Variants in NTN4 observed in about 807,000 individuals in gnomAD.
NTN4 encodes netrin 4.
NTN4 carries 32 observed loss-of-function variants against 73.6 expected under a neutral mutation model. The observed-to-expected ratio is 0.44, with a 90% CI of 0.33 to 0.58. NTN4 has a LOEUF of 0.58. NTN4 is among the 20% of genes least tolerant of loss of function. NTN4 has a pLI of 0.04. For synonymous variants in NTN4, 258 were observed against 287.5 expected, an observed-to-expected ratio of 0.90 and a Z score of 1.04; for missense variants, 654 against 798.3, an observed-to-expected ratio of 0.82 and a Z score of 2.18.
chr12:95,770,924 T>C lies in NTN4; in HGVS notation c.585+16015A>G, dbSNP rs116840843. 7.4e-3 allele frequency among the ~76,000 whole-genome samples: 1,123 copies of C among 151,768 alleles called. 5 individuals carry two copies. Among genetic ancestry groups the C allele is most frequent in the Non-Finnish European group, 0.012 (821 of 67,986 alleles). On this transcript the variant is annotated intron_variant, in intron 2 of 9. Coordinates refer to ENST00000343702, the MANE Select transcript of NTN4 (RefSeq NM_021229.4). Reference sequence around the variant, plus strand: ...GGAAGAAGAGAAGAGAAATATGACATAGAAAGAAGGGTGTTGTTCTGTTTT... The same window carrying C: ...GGAAGAAGAGAAGAGAAATATGACACAGAAAGAAGGGTGTTGTTCTGTTTT...
chr12:95,774,938 A>T (rs1015717235), intron 2 of NTN4, among the ~76,000 whole-genome samples: 1 of 152,224 alleles, frequency 6.6e-6, no homozygotes, highest in Non-Finnish European at 1.5e-5. Context: ...AGGCATTTCA[A>T]CTTAGTATAG....
intron 2 of NTN4, among the ~76,000 whole-genome samples, chr12:95,743,740 G>A (rs11830036): frequency 0.079 from 12,039 of 152,112 alleles, 1,579 homozygotes; most frequent in African/African-American, 0.27. Flanking sequence ...ATCAATACTT[G>A]TTTTATGACT....
chr12:95,726,059 T>C (rs1047048591), intron 3 of NTN4, among the ~76,000 whole-genome samples: 1 of 152,148 alleles, frequency 6.6e-6, no homozygotes, highest in Non-Finnish European at 1.5e-5. Context: ...TGTTTGTTTT[T>C]CTGTTTTTGT....
intron 2 of NTN4, among the ~76,000 whole-genome samples, chr12:95,746,008 G>A (rs975929834): frequency 6.6e-6 from 1 of 152,128 alleles, no homozygotes; most frequent in African/African-American, 2.4e-5. Context: ...GCCCAACCTT[G>A]TTTTTACTAA....
At position 95,700,080 on chromosome 12, in the gene NTN4, ATTTTTTTTTTTTT is replaced by A. The variant is rs56063223; in HGVS notation, c.1180+10348_1180+10360del. Reference sequence around the variant, plus strand: ...AACAGTGTATTCTTCTAAAGTGAGGATTTTTTTTTTTTTTTTTTTTTTTTTTTTTTTTTTTACT... The same window carrying A: ...AACAGTGTATTCTTCTAAAGTGAGGATTTTTTTTTTTTTTTTTTTTTTACT... On this transcript the variant is annotated intron_variant, in intron 5 of 9. Transcript: ENST00000343702. 1.2e-3 allele frequency among the ~76,000 whole-genome samples: 51 copies of A among 41,828 alleles called. No individual in the cohort carries two copies. The East Asian group carries it at 0.013, about 10-fold the overall frequency. The allele number at this position is 41,828 out of a possible 152,430, so 27.4% of individuals were successfully genotyped here. A position where few individuals can be genotyped will look rare whatever the true frequency, so the allele number is the denominator to read the frequency against.
chr12:95,767,196 C>G (rs1170391763), intron 2 of NTN4, among the ~76,000 whole-genome samples: 2 of 152,050 alleles, frequency 1.3e-5, no homozygotes, highest in Non-Finnish European at 2.9e-5. Flanking sequence ...CAACCACTCT[C>G]AGGATTGGCT....
chr12:95,750,580 A>C (rs143718174), intron 2 of NTN4, among the ~76,000 whole-genome samples: 31,067 of 152,178 alleles, frequency 0.2, 3,825 homozygotes, highest in Non-Finnish European at 0.28. Context: ...AAATGGTCTG[A>C]GGTGCCTGAC....
Position 95,738,025 on chromosome 12 carries a change from G to A in NTN4, c.705C>T (p.Pro235=), listed in dbSNP as rs893384922. 1.2e-6 allele frequency: 2 copies of A among 1,614,138 alleles called. No individual in the cohort carries two copies. Among genetic ancestry groups the A allele is most frequent in the Non-Finnish European group, 1.7e-6 (2 of 1,180,010 alleles). The change falls in exon 3 of 10, where the codon CCC becomes CCT. Residue 235 remains proline, a synonymous_variant. Coordinates refer to ENST00000343702, the MANE Select transcript of NTN4 (RefSeq NM_021229.4). ...CTTCGTTCAGGTCATTTCTCTGACAGGGACAAGACTGTCGTTTCAGCAGCT... is the reference window on the plus strand; with the variant it reads ...CTTCGTTCAGGTCATTTCTCTGACAAGGACAAGACTGTCGTTTCAGCAGCT... ...RVQLLKRQSC[P]CQRNDLNEEP... is the part of the protein sequence containing the mutation.
chr12:95,777,644 AG>A (rs2079103592), intron 2 of NTN4, among the ~76,000 whole-genome samples: 1 of 152,336 alleles, frequency 6.6e-6, no homozygotes, highest in South Asian at 2.1e-4. Context: ...CACCCAATAC[AG>A]GAGCACCCAG....
At chr12:95,749,788 C>T (rs912662020) in intron 2 of NTN4, among the ~76,000 whole-genome samples, 2 of 149,016 alleles carry the variant, frequency 1.3e-5, no homozygotes, top group African/African-American at 5.0e-5. Context: ...TGTCTCTACC[C>T]CTTCTCTGCT....
Position 95,787,212 on chromosome 12 carries a change from T to C in NTN4, c.312A>G (p.Thr104=). 2.5e-6 allele frequency: 4 copies of C among 1,614,174 alleles called. No individual in the cohort carries two copies. In the South Asian group the frequency reaches 4.4e-5, roughly 18 times the overall value. The part of the protein sequence containing the change: ...MADSSFRFPR[T]WWQSAEDVHR... ...GCACATCCTCCGCAGACTGCCACCA[T>C]GTGCGAGGAAACCGGAAGGATGAGT... The change falls in exon 2 of 10, where the codon ACA becomes ACG. Residue 104 remains threonine, a synonymous_variant. Coordinates refer to ENST00000343702, the MANE Select transcript of NTN4 (RefSeq NM_021229.4).
At chr12:95,676,629 AAAGT>A (rs1299980353) in intron 7 of NTN4, among the ~76,000 whole-genome samples, 6 of 152,168 alleles carry the variant, frequency 3.9e-5, no homozygotes, top group African/African-American at 1.4e-4. Flanking sequence ...AGAAAGACTA[AAAGT>A]AAGTGAGTTA....
At chr12:95,748,033 C>A (rs138794052) in intron 2 of NTN4, among the ~76,000 whole-genome samples, 7,352 of 151,690 alleles carry the variant, frequency 0.048, 238 homozygotes, top group Non-Finnish European at 0.075. Flanking sequence ...AATTCAAGAC[C>A]AGCCTGGCCA....
intron 4 of NTN4, 28 bp from the exon 5 acceptor site, chr12:95,710,657 A>C (rs191143584): frequency 1.9e-6 from 3 of 1,594,216 alleles, no homozygotes; most frequent in African/African-American, 1.3e-5. Context: ...GGAGAGAAAC[A>C]CTAATAAGTA....
At position 95,718,594 on chromosome 12, in the gene NTN4, T is replaced by C. The variant is rs181475596; in HGVS notation, c.865-5256A>G. Among the ~76,000 whole-genome samples the C allele has an allele frequency of 1.5e-4, 23 of 152,100 alleles. No homozygotes were observed. In the East Asian group the frequency reaches 4.1e-3, roughly 27 times the overall value. On this transcript the variant is annotated intron_variant, in intron 3 of 9. Transcript: ENST00000343702. ...CCCCAGATTAGGCTTAAATGACATATAGCTGGATCCTGTTGCCACTTACCA... is the reference window on the plus strand; with the variant it reads ...CCCCAGATTAGGCTTAAATGACATACAGCTGGATCCTGTTGCCACTTACCA...
chr12:95,770,242 T>C (rs1424763447), intron 2 of NTN4, among the ~76,000 whole-genome samples: 2 of 152,166 alleles, frequency 1.3e-5, no homozygotes, highest in African/African-American at 4.8e-5. Context: ...GGGCAGCCAA[T>C]CACCTGGTTT....
chr12:95,713,935 A>G (rs983331534), intron 3 of NTN4, among the ~76,000 whole-genome samples: 1 of 152,162 alleles, frequency 6.6e-6, no homozygotes, highest in African/African-American at 2.4e-5. Flanking sequence ...ATTATATTCA[A>G]TGCTATAATG....
At position 95,713,290 on chromosome 12, in the gene NTN4, G is replaced by C; in HGVS notation, c.913C>G (p.Gln305Glu). Residue 305 changes from glutamine (Q) to glutamate (E), a missense_variant, in exon 4 of 10, where the codon CAG (glutamine) becomes GAG (glutamate). Transcript: ENST00000343702. ...TCATTGTATAACGGGGCACAGTGCT[G>C]GCAGTGGCTGCCTGCTGTGTTGTGC... ...CKHNTAGSHC[Q>E]HCAPLYNDRP... 1 of 1,612,736 alleles carries C rather than the reference G, an allele frequency of 6.2e-7. No individual in the cohort carries two copies. The highest frequency in any genetic ancestry group is 8.5e-7 in the Non-Finnish European group (1 of 1,178,926).
chr12:95,660,584 A>G (rs1203753061), intron 9 of NTN4, among the ~76,000 whole-genome samples: 1 of 152,214 alleles, frequency 6.6e-6, no homozygotes, highest in Admixed American at 6.5e-5. Context: ...CTCATCACCT[A>G]TAGATTAGTA....
Sources: allele counts gnomAD v4.1 joint callset (sites outside exome capture counted in the v4.1 genomes callset), GRCh38; gene constraint gnomAD v4.1.1; transcripts MANE v1.5; gene names NCBI Gene and HGNC (gene_info 2026-07-23, HGNC 2026-07-21).